Variants in GALNT13 observed in about 807,000 individuals in gnomAD.
The protein encoded by GALNT13 is UDP-GalNAc:polypeptide N-acetylgalactosaminyltransferase 13.
Under a neutral mutation model 64.2 loss-of-function variants are expected in GALNT13, and 28 were observed. The ratio of observed to expected loss-of-function variants is 0.44; its 90% CI spans 0.32 to 0.60. The LOEUF (loss-of-function observed/expected upper bound fraction) is 0.60. GALNT13 is among the 20% of genes least tolerant of loss of function. The pLI, the probability that GALNT13 is intolerant of heterozygous loss-of-function variation, is 0.05. For missense variants in GALNT13, 577 were observed against 669.8 expected (o/e 0.86, Z 1.53); for synonymous variants, 214 against 224.6 (o/e 0.95, Z 0.42).
the GALNT13 span, among the ~76,000 whole-genome samples, chr2:153,102,598 A>G: frequency 6.6e-6 from 1 of 152,216 alleles, no homozygotes; most frequent in South Asian, 2.1e-4. Flanking sequence ...AATATTATTT[A>G]AATGAATGAA....
intron 3 of GALNT13, among the ~76,000 whole-genome samples, chr2:154,061,693 CAA>C (rs1700194846): frequency 6.6e-6 from 1 of 152,042 alleles, no homozygotes; most frequent in Non-Finnish European, 1.5e-5. Flanking sequence ...ACTTCTAATT[CAA>C]AGTGTTTTTA....
chr2:154,322,369 C>T (rs1409921145), intron 9 of GALNT13, among the ~76,000 whole-genome samples: 1 of 151,840 alleles, frequency 6.6e-6, no homozygotes, highest in Non-Finnish European at 1.5e-5. Flanking sequence ...GATTTAGCAG[C>T]ACTCACTAAA....
chr2:154,104,968 A>G (rs866203348), intron 3 of GALNT13, among the ~76,000 whole-genome samples: 1 of 152,180 alleles, frequency 6.6e-6, no homozygotes, highest in Non-Finnish European at 1.5e-5. Context: ...TCAAACTGCC[A>G]CAGTGTTGCC....
chr2:154,253,008 A>T (rs923599190), intron 7 of GALNT13, among the ~76,000 whole-genome samples: 2 of 152,220 alleles, frequency 1.3e-5, no homozygotes, highest in African/African-American at 4.8e-5. Flanking sequence ...GAAGCAACTT[A>T]TAATCTTGGT....
chr2:153,929,848 C>T (rs1690394698), intron 2 of GALNT13, among the ~76,000 whole-genome samples: 1 of 152,044 alleles, frequency 6.6e-6, no homozygotes, highest in African/African-American at 2.4e-5. Context: ...ATTTATATTC[C>T]TTTGGGTATA....
intron 10 of GALNT13, among the ~76,000 whole-genome samples, chr2:154,406,760 A>G (rs187681059): frequency 3.9e-5 from 6 of 152,214 alleles, no homozygotes; most frequent in African/African-American, 7.2e-5. Context: ...TTCCCTTCTA[A>G]AACATAAGCT....
the GALNT13 span, among the ~76,000 whole-genome samples, chr2:153,397,750 T>C: frequency 6.6e-6 from 1 of 151,916 alleles, no homozygotes; most frequent in Non-Finnish European, 1.5e-5. Flanking sequence ...TGGTATCCAG[T>C]GTCTATTCGG....
chr2:154,408,866 T>C (rs2105392007), intron 10 of GALNT13, 118 bp from the exon 11 acceptor site: 1 of 672,230 alleles, frequency 1.5e-6, no homozygotes, highest in Non-Finnish European at 2.6e-6. Context: ...CTTGGAGAAA[T>C]TTTCTTATGA....
chr2:153,807,308 AT>A, the GALNT13 span, among the ~76,000 whole-genome samples: 4 of 151,944 alleles, frequency 2.6e-5, no homozygotes, highest in East Asian at 3.9e-4. Context: ...GTTTTTATGT[AT>A]TTTTTATAGA....
intron 3 of GALNT13, among the ~76,000 whole-genome samples, chr2:154,113,979 A>G (rs1013522478): frequency 6.6e-6 from 1 of 152,202 alleles, no homozygotes. Flanking sequence ...AACAGCTGCA[A>G]TTGGAGTCAC....
At chr2:153,417,394 G>C in the GALNT13 span, among the ~76,000 whole-genome samples, 1 of 152,160 alleles carries the variant, frequency 6.6e-6, no homozygotes, top group African/African-American at 2.4e-5. Context: ...TTTAACTTAT[G>C]CTTTCACTTA....
chr2:154,049,211 G>A (rs1699445086), intron 3 of GALNT13, among the ~76,000 whole-genome samples: 1 of 151,556 alleles, frequency 6.6e-6, no homozygotes, highest in Non-Finnish European at 1.5e-5. Flanking sequence ...TGATCAATGT[G>A]GAATAGGCTG....
chr2:154,226,445 C>G (rs1425795997), intron 4 of GALNT13, among the ~76,000 whole-genome samples: 8 of 151,878 alleles, frequency 5.3e-5, no homozygotes, highest in Non-Finnish European at 8.8e-5. Flanking sequence ...AAATGATGTT[C>G]CTATTATTGT....
At chr2:153,539,539 G>A in the GALNT13 span, among the ~76,000 whole-genome samples, 8 of 152,058 alleles carry the variant, frequency 5.3e-5, no homozygotes, top group South Asian at 1.7e-3. Context: ...TAACGTTTAA[G>A]TCTTTAATCC....
the GALNT13 span, among the ~76,000 whole-genome samples, chr2:153,771,933 C>T: frequency 6.6e-6 from 1 of 152,134 alleles, no homozygotes; most frequent in Non-Finnish European, 1.5e-5. Context: ...GGGCACTCTA[C>T]CCTGGTTGAC....
At chr2:153,803,312 T>G in the GALNT13 span, among the ~76,000 whole-genome samples, 1 of 152,134 alleles carries the variant, frequency 6.6e-6, no homozygotes, top group African/African-American at 2.4e-5. Context: ...ATAATTACAT[T>G]TGAAGATAGA....
At chr2:153,675,318 T>G in the GALNT13 span, among the ~76,000 whole-genome samples, 1 of 152,204 alleles carries the variant, frequency 6.6e-6, no homozygotes, top group Non-Finnish European at 1.5e-5. Flanking sequence ...AATAATAGAC[T>G]GGATAAAGAA....
chr2:153,105,904 T>C, the GALNT13 span, among the ~76,000 whole-genome samples: 1 of 152,166 alleles, frequency 6.6e-6, no homozygotes, highest in African/African-American at 2.4e-5. Context: ...GTTTAGCTTT[T>C]ACCATCTATG....
At chr2:153,860,971 T>C in the GALNT13 span, among the ~76,000 whole-genome samples, 1 of 152,248 alleles carries the variant, frequency 6.6e-6, no homozygotes, top group East Asian at 1.9e-4. Flanking sequence ...AGTTTAGGGA[T>C]TTGAGGAGGC....
Sources: allele counts gnomAD v4.1 joint callset (sites outside exome capture counted in the v4.1 genomes callset), GRCh38; gene constraint gnomAD v4.1.1; transcripts MANE v1.5; gene names NCBI Gene and HGNC (gene_info 2026-07-23, HGNC 2026-07-21).